Variants in HCFC1 observed in about 807,000 individuals in gnomAD.
HCFC1 encodes the protein host cell factor C1, also known as host cell factor 1.
A neutral mutation model predicts 105.5 loss-of-function variants in HCFC1; 7 were observed. The observed-to-expected ratio is 0.07, with a 90% CI of 0.04 to 0.12. HCFC1 has a LOEUF of 0.12. Ranked by LOEUF, HCFC1 falls within the 10% of genes least tolerant of loss-of-function variation. The pLI is 1.00. For synonymous variants in HCFC1, 918 were observed against 828.1 expected, an observed-to-expected ratio of 1.11 and a Z score of -1.86; for missense variants, 1,065 against 1,823.6, an observed-to-expected ratio of 0.58 and a Z score of 7.58.
chrX:153,963,723 G>A (rs1027060225), intron 3 of HCFC1, among the ~76,000 whole-genome samples: 5 of 112,916 alleles, frequency 4.4e-5, no homozygotes, highest in African/African-American at 9.6e-5. Context: ...TGAGGGCTCC[G>A]CAGAGCAAGA....
At position 153,952,876 on chromosome X, in the gene HCFC1, A is replaced by T; in HGVS notation, c.4580T>A (p.Leu1527Gln). The change falls in exon 19 of 26, where the codon CTG becomes CAG. Residue 1527 changes from leucine (L) to glutamine (Q), a missense_variant. Around this residue, in one of 17 missense-constraint regions of HCFC1, gnomAD observed 546 missense variants for 599.9 expected, o/e 0.91. Transcript: ENST00000310441. ...CAGGACCTCGGCGGACTCCCCCATCAGGGCTGTGGAAGCCGACTGCAGAAG... is the reference window on the plus strand; with the variant it reads ...CAGGACCTCGGCGGACTCCCCCATCTGGGCTGTGGAAGCCGACTGCAGAAG... The part of the protein sequence containing the change: ...RQLLQSASTA[L>Q]MGESAEVLSA... 4.2e-6 allele frequency: 5 copies of T among 1,183,349 alleles called. No individual in the cohort carries two copies. Among genetic ancestry groups the T allele is most frequent in the Non-Finnish European group, 5.7e-6 (5 of 882,286 alleles).
At position 153,948,377 on chromosome X, in the gene HCFC1, A is replaced by C. The variant is rs2065275786; in HGVS notation, c.*970T>G. 1 of 112,438 alleles carries C rather than the reference A, an allele frequency of 8.9e-6. No individual in the cohort carries two copies. The highest frequency in any genetic ancestry group is 1.9e-5 in the Non-Finnish European group (1 of 53,187). 9.3% of individuals were successfully genotyped at this position (112,438 alleles called of 1,213,427 possible). A position where few individuals can be genotyped will look rare whatever the true frequency, so the allele number is the denominator to read the frequency against. On this transcript the variant is annotated 3_prime_UTR_variant, in exon 26 of 26. Transcript: ENST00000310441. ...GCAACAGGAAGTTGGGCTGGGTGGC[A>C]AACAGCAGGCCCCTCGTGGCAGATT... is the stretch of plus-strand genomic sequence containing the variant.
At chrX:153,952,215 G>A in intron 19 of HCFC1, 57 bp from the exon 20 acceptor site, 1 of 1,081,637 alleles carries the variant, frequency 9.2e-7, no homozygotes, top group Non-Finnish European at 1.2e-6. Context: ...GAAGCGGGCA[G>A]CCCGGGCGGA....
At chrX:153,956,855 C>T (rs1467738656) in intron 14 of HCFC1, 63 bp downstream of exon 14, 9 of 1,201,873 alleles carry the variant, frequency 7.5e-6, no homozygotes, top group Non-Finnish European at 1.0e-5. Flanking sequence ...GGAGGACCTG[C>T]GTGGCGTGCT....
Position 153,954,311 on chromosome X carries a change from G to A in HCFC1, c.4088C>T (p.Thr1363Ile), listed in dbSNP as rs1440293042. The change falls in exon 17 of 26, where the codon ACT becomes ATT. Residue 1363 changes from threonine (T) to isoleucine (I), a missense_variant. Thr to Ile is a moderately conservative substitution (Grantham distance 89). Transcript: ENST00000310441. Reference sequence around the variant, plus strand: ...GACCGACATGGTGGTGCCAGTGGAAGTGGTCTGGTGTGTCTCACAGGGGCG... The same window carrying A: ...GACCGACATGGTGGTGCCAGTGGAAATGGTCTGGTGTGTCTCACAGGGGCG... Reference protein sequence around the residue: ...AGRPCETHQTTSTGTTMSVSV... With the variant: ...AGRPCETHQTISTGTTMSVSV... The A allele has an allele frequency of 2.5e-6, 3 of 1,194,610 alleles. No homozygotes were observed. Among genetic ancestry groups the A allele is most frequent in the Non-Finnish European group, 2.3e-6 (2 of 885,454 alleles).
rs1408089770 is a variant in HCFC1, at chrX:153,949,261, G to A, written c.*86C>T. 5 of 722,492 alleles carry A rather than the reference G, an allele frequency of 6.9e-6. No homozygotes were observed. Among genetic ancestry groups the A allele is most frequent in the Non-Finnish European group, 1.1e-5 (5 of 472,310 alleles). 59.5% of individuals were successfully genotyped at this position (722,492 alleles called of 1,213,427 possible). On this transcript the variant is annotated 3_prime_UTR_variant, in exon 26 of 26. Transcript: ENST00000310441. ...CTCGCGAGGGTGAAGTGCGAATGCT[G>A]GGACGGGGTGGGAGGGGTGGGCCCT...
chrX:153,968,775 C>G lies in HCFC1; in HGVS notation c.193+1873G>C, dbSNP rs868936363. ...CCCTACTTTCTAAAATTGCATTTCCCTGCCAGGGAGCCTGCTCCAGGCCTT... is the reference window on the plus strand; with the variant it reads ...CCCTACTTTCTAAAATTGCATTTCCGTGCCAGGGAGCCTGCTCCAGGCCTT... On this transcript the variant is annotated intron_variant, in intron 1 of 25. Coordinates refer to ENST00000310441, the MANE Select transcript of HCFC1 (RefSeq NM_005334.3). 5.0e-4 allele frequency among the ~76,000 whole-genome samples: 57 copies of G among 113,119 alleles called. 1 individual carries two copies. In the Middle Eastern group the frequency reaches 0.018, roughly 37 times the overall value.
intron 4 of HCFC1, 34 bp from the exon 5 acceptor site, chrX:153,962,340 G>C (rs1557117250): frequency 9.7e-7 from 1 of 1,034,743 alleles, no homozygotes; most frequent in Non-Finnish European, 1.4e-6. Context: ...GGTTACACAA[G>C]GTAGACTGCA....
rs1427215606 is a variant in HCFC1, at chrX:153,949,177, T to C, written c.*170A>G. ...TCCCAACAGCAATGGTAAAATGTGC[T>C]TTCTTTAGATTATTTTAAAAACAGA... On this transcript the variant is annotated 3_prime_UTR_variant, in exon 26 of 26. Coordinates refer to ENST00000310441, the MANE Select transcript of HCFC1 (RefSeq NM_005334.3). The C allele has an allele frequency of 4.5e-6, 2 of 445,852 alleles. No individual in the cohort carries two copies. The highest frequency in any genetic ancestry group is 2.5e-5 in the African/African-American group (1 of 40,285). The allele number at this position is 445,852 out of a possible 1,213,427, so 36.7% of individuals were successfully genotyped here. A position where few individuals can be genotyped will look rare whatever the true frequency, so the allele number is the denominator to read the frequency against.
rs1557120292 is a variant in HCFC1 at position 153,971,771 on chromosome X, T to C, written c.-931A>G. 3.4e-6 allele frequency: 1 copy of C among 296,341 alleles called. No homozygotes were observed. The highest frequency in any genetic ancestry group is 2.7e-5 in the African/African-American group (1 of 36,674). 24.4% of individuals were successfully genotyped at this position (296,341 alleles called of 1,213,427 possible). A position where few individuals can be genotyped will look rare whatever the true frequency, so the allele number is the denominator to read the frequency against. On this transcript the variant is annotated 5_prime_UTR_variant, in exon 1 of 26. Transcript: ENST00000310441. ...GGCAACTGTACGGCAGAAGAAGCGG[T>C]AACGGCAGGGCGCTCATGCCTCCTC...
chrX:153,959,577 T>C, intron 8 of HCFC1, 86 bp from the exon 9 acceptor site: 1 of 1,077,567 alleles, frequency 9.3e-7, no homozygotes, highest in Non-Finnish European at 1.3e-6. Flanking sequence ...GCCACTTCTG[T>C]TGGCCTGCTT....
rs782803582 is a variant in HCFC1 at position 153,950,249 on chromosome X, G to A, written c.5998C>T (p.Leu2000=). 1 of 1,173,316 alleles carries A rather than the reference G, an allele frequency of 8.5e-7. No homozygotes were observed. The highest frequency in any genetic ancestry group is 1.1e-6 in the Non-Finnish European group (1 of 873,816). The change falls in exon 24 of 26, where the codon CTG becomes TTG. Residue 2000 remains leucine (L), a synonymous_variant. Coordinates refer to ENST00000310441, the MANE Select transcript of HCFC1 (RefSeq NM_005334.3). The part of the protein sequence containing the change: ...GYGPATQVRW[L]QETSKDSSGT... ...CTCCACGAAGGACACTCACCCTGCA[G>A]CCACCTCACTTGTGTGGCCGGGCCA... is the stretch of plus-strand genomic sequence containing the variant.
intron 5 of HCFC1, 132 bp from the exon 6 acceptor site, chrX:153,961,780 C>A: frequency 2.0e-6 from 1 of 496,703 alleles, no homozygotes. Context: ...TGCGTGAAGC[C>A]TCCTGACGTG....
In HCFC1 at chrX:153,954,329, C is replaced by T. The variant is rs782761640; in HGVS notation, c.4070G>A (p.Cys1357Tyr). ...AGTGGAAGTGGTCTGGTGTGTCTCACAGGGGCGACCAGCAGGGGGCTGCTG... is the reference window on the plus strand; with the variant it reads ...AGTGGAAGTGGTCTGGTGTGTCTCATAGGGGCGACCAGCAGGGGGCTGCTG... Reference protein sequence around the residue: ...GGQQPPAGRPCETHQTTSTGT... With the variant: ...GGQQPPAGRPYETHQTTSTGT... The change falls in exon 17 of 26, where the codon TGT (cysteine) becomes TAT (tyrosine). Residue 1357 changes from cysteine to tyrosine, a missense_variant. Physicochemically the swap from Cys to Tyr is radical, Grantham distance 194. Transcript: ENST00000310441. 3 of 1,199,553 alleles carry T rather than the reference C, an allele frequency of 2.5e-6. No homozygotes were observed. The South Asian group carries it at 5.4e-5, about 22-fold the overall frequency.
intron 1 of HCFC1, among the ~76,000 whole-genome samples, chrX:153,970,313 T>A (rs974756892): frequency 1.0e-4 from 11 of 108,739 alleles, no homozygotes; most frequent in African/African-American, 3.7e-4. Flanking sequence ...GGGGCTTTCT[T>A]TTAACTAACG....
rs782038150 is a variant in HCFC1 at position 153,960,398 on chromosome X, C to T, written c.921G>A (p.Glu307=). The change falls in exon 7 of 26, where the codon GAG becomes GAA. Residue 307 remains glutamate (E), a synonymous_variant. Transcript: ENST00000310441. ...ACLNLDTMAW[E]TILMDTLEDN... is the part of the protein sequence containing the mutation. ...CCTCCAGTGTATCCATCAGGATGGT[C>T]TCCCAGGCCATGGTATCTGGGGGAG... The T allele has an allele frequency of 1.7e-5, 20 of 1,194,003 alleles. No individual in the cohort carries two copies. Among genetic ancestry groups the T allele is most frequent in the Non-Finnish European group, 2.0e-5 (18 of 885,361 alleles).
intron 21 of HCFC1, 31 bp from the exon 22 acceptor site, chrX:153,951,518 G>A (rs1557112437): frequency 1.3e-5 from 16 of 1,210,610 alleles, no homozygotes; most frequent in Non-Finnish European, 1.8e-5. Flanking sequence ...GACGAGATCA[G>A]GCCCTCAGCA....
intron 12 of HCFC1, 27 bp downstream of exon 12, chrX:153,957,755 G>C (rs781937155): frequency 9.0e-7 from 1 of 1,106,658 alleles, no homozygotes; most frequent in Non-Finnish European, 1.2e-6. Context: ...CCCCACTCTT[G>C]CGTATGTGCA....
Position 153,956,652 on chromosome X carries a change from T to A in HCFC1, c.2608A>T (p.Thr870Ser). The change falls in exon 15 of 26, where the codon ACC becomes TCC. Residue 870 changes from threonine (T) to serine (S), a missense_variant. Around this residue, in one of 17 missense-constraint regions of HCFC1, gnomAD observed 137 missense variants for 378.2 expected, o/e 0.36. Coordinates refer to ENST00000310441, the MANE Select transcript of HCFC1 (RefSeq NM_005334.3). ...GTGGTGCCTTTCACAACCAACGTGG[T>A]GACGGCTGGCTTGACGGCGGAGACG... ...VTVSAVKPAVTTLVVKGTTGV... is the reference protein window; with the variant it reads ...VTVSAVKPAVSTLVVKGTTGV... The A allele has an allele frequency of 8.3e-7, 1 of 1,211,843 alleles. No individual in the cohort carries two copies. The highest frequency in any genetic ancestry group is 1.1e-6 in the Non-Finnish European group (1 of 895,549).
Sources: gnomAD v4.1 joint callset for allele counts (sites outside exome capture counted in the v4.1 genomes callset) on GRCh38, gnomAD v4.1.1 for gene constraint, gnomAD v4.1.1 regional missense constraint, MANE v1.5 for transcripts, NCBI Gene and HGNC (gene_info 2026-07-23, HGNC 2026-07-21) for gene names.